Variants in PLCH1 observed in about 807,000 individuals in gnomAD.
PLCH1 encodes phospholipase C eta 1.
In PLCH1, 60 loss-of-function variants were observed where a neutral mutation model predicts 126.7. The ratio of observed to expected loss-of-function variants is 0.47; its 90% CI spans 0.38 to 0.59. PLCH1 has a LOEUF of 0.59. Ranked by LOEUF, PLCH1 falls within the 20% of genes least tolerant of loss-of-function variation. The probability of loss-of-function intolerance (pLI) is 0.00; values close to 1 mark genes in which losing one functional copy is unlikely to be tolerated. For synonymous variants in PLCH1, 719 were observed against 734.9 expected, an observed-to-expected ratio of 0.98 and a Z score of 0.35; for missense variants, 1,723 against 2,040.0, an observed-to-expected ratio of 0.84 and a Z score of 2.99.
rs770069958 is a variant in PLCH1, at chr3:155,492,837, G to A, written c.2199C>T (p.Phe733=). 1.3e-6 allele frequency: 2 copies of A among 1,598,808 alleles called. No individual in the cohort carries two copies. The highest frequency in any genetic ancestry group is 2.3e-5 in the East Asian group (1 of 43,960). The change falls in exon 18 of 23, where the codon TTC becomes TTT. Residue 733 remains phenylalanine, a synonymous_variant. Transcript: ENST00000460012. ...GGTTGGCAGGAAGAGGGTCACCAGAGAAAGGGTTGAAAGTACCTAGGCCAA... is the reference window on the plus strand; with the variant it reads ...GGTTGGCAGGAAGAGGGTCACCAGAAAAAGGGTTGAAAGTACCTAGGCCAA... The part of the protein sequence containing the change: ...QQMCKGTFNP[F]SGDPLPANPK...
intron 1 of PLCH1, among the ~76,000 whole-genome samples, chr3:155,725,325 T>C (rs1415074365): frequency 1.3e-5 from 2 of 152,212 alleles, no homozygotes; most frequent in African/African-American, 2.4e-5. Context: ...TCTCTAAAAA[T>C]GCTTTTTGCA....
chr3:155,613,109 GA>G (rs1735346663), intron 2 of PLCH1, among the ~76,000 whole-genome samples: 1 of 151,854 alleles, frequency 6.6e-6, no homozygotes, highest in Non-Finnish European at 1.5e-5. Flanking sequence ...GAAAGAAATG[GA>G]AACTCTGAAC....
chr3:155,685,289 C>T (rs1473282842), intron 2 of PLCH1, among the ~76,000 whole-genome samples: 5 of 152,224 alleles, frequency 3.3e-5, no homozygotes, highest in African/African-American at 1.2e-4. Flanking sequence ...GGCATGTAGC[C>T]TTTTCTCTAC....
At chr3:155,575,460 A>G (rs896345408) in intron 6 of PLCH1, among the ~76,000 whole-genome samples, 7 of 152,188 alleles carry the variant, frequency 4.6e-5, no homozygotes, top group Non-Finnish European at 1.0e-4. Context: ...TTTCAGAGCT[A>G]CTACACGGGT....
chr3:155,726,283 T>C (rs1429665926), intron 1 of PLCH1, among the ~76,000 whole-genome samples: 1 of 152,192 alleles, frequency 6.6e-6, no homozygotes, highest in Non-Finnish European at 1.5e-5. Flanking sequence ...ACAAATTCTT[T>C]AGGTTTTTGT....
chr3:155,741,688 T>TATTTTTTTTTTATTTTTATTTA (rs199564497), intron 1 of PLCH1, among the ~76,000 whole-genome samples: 15 of 142,954 alleles, frequency 1.0e-4, no homozygotes, highest in South Asian at 9.0e-4. Context: ...TATCCTCTTT[T>TATTTTTTTTTTATTTTTATTTA]TTTTTTTTTT....
intron 4 of PLCH1, among the ~76,000 whole-genome samples, chr3:155,592,331 A>C (rs1732302722): frequency 2.7e-5 from 4 of 150,090 alleles, no homozygotes; most frequent in Non-Finnish European, 5.9e-5. Flanking sequence ...AAAATACAAA[A>C]AAAAAAAAAA....
At chr3:155,668,157 A>G (rs1742997058) in intron 2 of PLCH1, among the ~76,000 whole-genome samples, 1 of 151,868 alleles carries the variant, frequency 6.6e-6, no homozygotes. Context: ...AGGAACTGCT[A>G]ACACTATTTG....
Position 155,578,162 on chromosome 3 carries a change from G to C in PLCH1, c.771+5310C>G, listed in dbSNP as rs572693614. 4.6e-5 allele frequency among the ~76,000 whole-genome samples: 7 copies of C among 152,264 alleles called. No individual in the cohort carries two copies. The South Asian group carries it at 1.5e-3, about 32-fold the overall frequency. On this transcript the variant is annotated intron_variant, in intron 6 of 22. Transcript: ENST00000460012. ...TAGTTATATAACAGACTCCACAGAG[G>C]AGTAAAGATGTAGAAAGGATGTATC...
intron 12 of PLCH1, among the ~76,000 whole-genome samples, chr3:155,506,129 A>T (rs1164895830): frequency 6.6e-6 from 1 of 152,136 alleles, no homozygotes; most frequent in African/African-American, 2.4e-5. Flanking sequence ...TGCTAATTGC[A>T]TTACATATAT....
intron 2 of PLCH1, among the ~76,000 whole-genome samples, chr3:155,620,710 G>A (rs1023077531): frequency 1.3e-5 from 2 of 152,150 alleles, no homozygotes; most frequent in Non-Finnish European, 2.9e-5. Flanking sequence ...TGCCTCTCCA[G>A]ATTCCTCCTC....
At chr3:155,614,899 A>C (rs1360904735) in intron 2 of PLCH1, among the ~76,000 whole-genome samples, 1 of 152,194 alleles carries the variant, frequency 6.6e-6, no homozygotes, top group Non-Finnish European at 1.5e-5. Context: ...CCAGGAACCC[A>C]AAAGCAAATG....
chr3:155,488,346 C>T (rs1715608573), intron 20 of PLCH1, among the ~76,000 whole-genome samples: 1 of 152,032 alleles, frequency 6.6e-6, no homozygotes, highest in African/African-American at 2.4e-5. Context: ...TACAGGCATG[C>T]ACCACCACAC....
intron 21 of PLCH1, among the ~76,000 whole-genome samples, chr3:155,466,474 C>G (rs1006226422): frequency 6.6e-6 from 1 of 152,186 alleles, no homozygotes; most frequent in South Asian, 2.1e-4. Flanking sequence ...GAGATCACAA[C>G]ACTCAAATTC....
intron 14 of PLCH1, among the ~76,000 whole-genome samples, chr3:155,497,959 C>T (rs1717304807): frequency 6.6e-6 from 1 of 152,158 alleles, no homozygotes. Flanking sequence ...AAGTGATCCA[C>T]CTGCATTGGC....
chr3:155,715,897 C>T (rs1340317359), intron 1 of PLCH1, among the ~76,000 whole-genome samples: 1 of 152,180 alleles, frequency 6.6e-6, no homozygotes, highest in Non-Finnish European at 1.5e-5. Context: ...AGCCACTGCA[C>T]TTAGCCTTCC....
chr3:155,668,564 T>C lies in PLCH1; in HGVS notation c.79+35582A>G, dbSNP rs141119507. ...ACAACTGTGGAGAGATTACAACAAA[T>C]AGGAGAGGGTGAGGGTTCAGAGGGG... On this transcript the variant is annotated intron_variant, in intron 2 of 22. Coordinates refer to ENST00000460012, the MANE Select transcript of PLCH1 (RefSeq NM_014996.4). Among the ~76,000 whole-genome samples, 578 of 151,904 alleles carry C rather than the reference T, an allele frequency of 3.8e-3. 1 individual carries two copies. The highest frequency in any genetic ancestry group is 7.0e-3 in the Admixed American group (107 of 15,252).
At chr3:155,743,496 C>G (rs570376957) in intron 1 of PLCH1, 12 of 438,014 alleles carry the variant, frequency 2.7e-5, no homozygotes, top group South Asian at 1.8e-4. Context: ...CGCACCACTG[C>G]ACTCCAGCCT....
chr3:155,670,107 A>C (rs2108979024), intron 2 of PLCH1, among the ~76,000 whole-genome samples: 1 of 152,346 alleles, frequency 6.6e-6, no homozygotes, highest in Admixed American at 6.5e-5. Context: ...TTTTTTTAAA[A>C]CAGTCCTTGG....
Sources: gnomAD v4.1 joint callset for allele counts (sites outside exome capture counted in the v4.1 genomes callset) on GRCh38, gnomAD v4.1.1 for gene constraint, MANE v1.5 for transcripts, NCBI Gene and HGNC (gene_info 2026-07-23, HGNC 2026-07-21) for gene names.